The following ZC3H18 variants were observed in gnomAD, a reference collection of about 807,000 sequenced individuals.
ZC3H18 encodes the protein zinc finger CCCH domain-containing protein 18.
Under a neutral mutation model 106.1 loss-of-function variants are expected in ZC3H18, and 8 were observed. That is an observed-to-expected ratio of 0.08 (90% CI 0.04 to 0.14). The LOEUF (loss-of-function observed/expected upper bound fraction) is 0.14, where lower values mean the gene tolerates loss of function less well. ZC3H18 is among the 10% of genes least tolerant of loss of function. The pLI, the probability that ZC3H18 is intolerant of heterozygous loss-of-function variation, is 1.00. For missense variants in ZC3H18, 1,318 were observed against 1,278.4 expected (o/e 1.03, Z -0.47); for synonymous variants, 635 against 522.1 (o/e 1.22, Z -2.95).
At position 88,624,075 on chromosome 16, in the gene ZC3H18, C is replaced by A; in HGVS notation, c.1898+13C>A. On this transcript the variant is annotated intron_variant, in intron 11 of 17. Coordinates refer to ENST00000301011, the MANE Select transcript of ZC3H18 (RefSeq NM_144604.4). ...CCGGGAAAGCAGGGTGAGTGCCCAG[C>A]CTGTGGGCAAGTCCTGGCCGGCCAG... 1 of 1,613,220 alleles carries A rather than the reference C, an allele frequency of 6.2e-7. No individual in the cohort carries two copies.
At chr16:88,604,043 C>T (rs1469326312) in intron 6 of ZC3H18, among the ~76,000 whole-genome samples, 1 of 152,144 alleles carries the variant, frequency 6.6e-6, no homozygotes, top group Non-Finnish European at 1.5e-5. Context: ...CAGGTACCAT[C>T]TGACTTATAA....
intron 13 of ZC3H18, among the ~76,000 whole-genome samples, chr16:88,626,869 T>C (rs1906343796): frequency 6.6e-6 from 1 of 152,226 alleles, no homozygotes; most frequent in Non-Finnish European, 1.5e-5. Context: ...GCTACAGACC[T>C]GCTGTTTCCA....
chr16:88,615,469 C>T (rs576696082), intron 8 of ZC3H18, among the ~76,000 whole-genome samples: 2 of 152,300 alleles, frequency 1.3e-5, no homozygotes, highest in African/African-American at 2.4e-5. Flanking sequence ...TGGTGCTTAC[C>T]CACATTTGGG....
At position 88,582,792 on chromosome 16, in the gene ZC3H18, G is replaced by T. The variant is rs192549758; in HGVS notation, c.604-3808G>T. On this transcript the variant is annotated intron_variant, in intron 2 of 17. Transcript: ENST00000301011. ...GAGAACTGAAACCTTTTCCTCACCTGGTGGCAGACCTGGCCCAAGCTGGCG... is the reference window on the plus strand; with the variant it reads ...GAGAACTGAAACCTTTTCCTCACCTTGTGGCAGACCTGGCCCAAGCTGGCG... Among the ~76,000 whole-genome samples, 329 of 152,294 alleles carry T rather than the reference G, an allele frequency of 2.2e-3. 1 individual carries two copies. Among genetic ancestry groups the T allele is most frequent in the African/African-American group, 7.2e-3 (301 of 41,556 alleles).
rs1906383483 is a variant in ZC3H18, at chr16:88,627,501, C to T, written c.2109-121C>T. On this transcript the variant is annotated intron_variant, in intron 13 of 17. Transcript: ENST00000301011. This position sits in a 1 kb window ranked among gnomAD's most constrained non-coding sequence, Gnocchi z 4.5. ...ACTGCCCAGTGTCCCCCCAAAATCACACATTCCGTGGGTACATGATCCATA... is the reference window on the plus strand; with the variant it reads ...ACTGCCCAGTGTCCCCCCAAAATCATACATTCCGTGGGTACATGATCCATA... The T allele has an allele frequency of 4.4e-6, 6 of 1,365,074 alleles. No individual in the cohort carries two copies. The highest frequency in any genetic ancestry group is 5.9e-6 in the Non-Finnish European group (6 of 1,010,638). 84.6% of individuals were successfully genotyped at this position (1,365,074 alleles called of 1,614,324 possible).
intron 6 of ZC3H18, among the ~76,000 whole-genome samples, chr16:88,600,451 C>T (rs975840016): frequency 2.6e-5 from 4 of 152,118 alleles, no homozygotes; most frequent in Admixed American, 2.0e-4. Context: ...CTTGCTCTGT[C>T]GCCCAAGCTG....
intron 3 of ZC3H18, among the ~76,000 whole-genome samples, chr16:88,593,407 A>G (rs1201594600): frequency 6.6e-6 from 1 of 152,246 alleles, no homozygotes; most frequent in Non-Finnish European, 1.5e-5. Flanking sequence ...GGTGGGGCAG[A>G]GGAGGTCGGC....
intron 3 of ZC3H18, among the ~76,000 whole-genome samples, chr16:88,594,651 G>A (rs1298967903): frequency 6.6e-6 from 1 of 152,210 alleles, no homozygotes; most frequent in South Asian, 2.1e-4. Context: ...TCAGGTAAAA[G>A]GGGGCAATGA....
At chr16:88,574,051 A>G (rs951159965) in intron 1 of ZC3H18, among the ~76,000 whole-genome samples, 3 of 151,428 alleles carry the variant, frequency 2.0e-5, no homozygotes, top group Non-Finnish European at 3.0e-5. Context: ...TGTTTTGTAT[A>G]TTTAGTAGAG....
chr16:88,576,677 G>C lies in ZC3H18; in HGVS notation c.-14-433G>C, dbSNP rs112425067. On this transcript the variant is annotated intron_variant, in intron 1 of 17. Coordinates refer to ENST00000301011, the MANE Select transcript of ZC3H18 (RefSeq NM_144604.4). ...GCTTCAGGATGACTCCAGAAAAATG[G>C]TGAGATCTGGGCCTGCAGTTTTGCT... Among the ~76,000 whole-genome samples the C allele has an allele frequency of 2.0e-3, 305 of 152,302 alleles. 1 individual carries two copies. Among genetic ancestry groups the C allele is most frequent in the African/African-American group, 7.2e-3 (300 of 41,578 alleles).
chr16:88,620,042 T>A (rs1341551652), intron 8 of ZC3H18, among the ~76,000 whole-genome samples: 1 of 152,222 alleles, frequency 6.6e-6, no homozygotes, highest in Non-Finnish European at 1.5e-5. Context: ...GAAGCTGTGA[T>A]GTCGCGTGTC....
intron 2 of ZC3H18, among the ~76,000 whole-genome samples, chr16:88,582,544 C>T (rs1253554192): frequency 6.6e-6 from 1 of 152,150 alleles, no homozygotes; most frequent in Non-Finnish European, 1.5e-5. Context: ...GTTTCCACTT[C>T]AAGTGGGGTT....
chr16:88,578,479 G>A (rs932244823), intron 2 of ZC3H18, among the ~76,000 whole-genome samples: 22 of 152,012 alleles, frequency 1.4e-4, no homozygotes, highest in African/African-American at 5.3e-4. Flanking sequence ...CGGAGCTATT[G>A]AACTCAAAGG....
chr16:88,593,165 G>T (rs917340906), intron 3 of ZC3H18, among the ~76,000 whole-genome samples: 2 of 152,180 alleles, frequency 1.3e-5, no homozygotes, highest in Admixed American at 1.3e-4. Flanking sequence ...AAATATGCTC[G>T]CATGATGACA....
intron 3 of ZC3H18, among the ~76,000 whole-genome samples, chr16:88,596,057 G>A (rs964051895): frequency 6.6e-6 from 1 of 152,148 alleles, no homozygotes; most frequent in Admixed American, 6.5e-5. Context: ...ACTCTGGCCA[G>A]GGGCAGGACA....
chr16:88,624,514 C>T (rs1452001449), intron 11 of ZC3H18, 88 bp from the exon 12 acceptor site: 3 of 1,596,572 alleles, frequency 1.9e-6, no homozygotes, highest in Non-Finnish European at 1.7e-6. Flanking sequence ...AGTGTCGTTC[C>T]CCGAGCTGTG....
chr16:88,600,004 G>A (rs564042479), intron 6 of ZC3H18, 56 bp downstream of exon 6: 49 of 1,595,624 alleles, frequency 3.1e-5, no homozygotes, highest in Admixed American at 5.1e-5. Context: ...GCCACGCTCC[G>A]GAGAGAGCAG....
At chr16:88,622,050 CT>C in intron 8 of ZC3H18, 146 bp from the exon 9 acceptor site, 21 of 975,108 alleles carry the variant, frequency 2.2e-5, no homozygotes, top group East Asian at 2.8e-5. Context: ...TGTGAGTGGC[CT>C]TTTTTCCCCT....
intron 10 of ZC3H18, 67 bp downstream of exon 10, chr16:88,623,411 C>G: frequency 6.3e-7 from 1 of 1,581,936 alleles, no homozygotes. Context: ...GCGGATGTGG[C>G]TTTAGTTGTG....
Sources: allele counts gnomAD v4.1 joint callset (sites outside exome capture counted in the v4.1 genomes callset), GRCh38; gene constraint gnomAD v4.1.1; non-coding constraint Gnocchi (gnomAD v3.1); transcripts MANE v1.5; gene names NCBI Gene and HGNC (gene_info 2026-07-23, HGNC 2026-07-21).